TBC1D2: variants seen among roughly 807,000 people sequenced by gnomAD.
TBC1D2 encodes TBC1 domain family member 2.
A neutral mutation model predicts 91.1 loss-of-function variants in TBC1D2; 58 were observed. That is an observed-to-expected ratio of 0.64 (90% CI 0.52 to 0.79). The LOEUF is 0.79. Ranked by LOEUF, TBC1D2 falls within the 30% of genes least tolerant of loss-of-function variation. The pLI is 0.00. For synonymous variants in TBC1D2, 482 were observed against 511.5 expected (o/e 0.94, Z 0.78); for missense variants, 1,080 against 1,208.3 (o/e 0.89, Z 1.57).
intron 9 of TBC1D2, among the ~76,000 whole-genome samples, chr9:98,206,732 G>A (rs972444728): frequency 6.6e-6 from 1 of 152,188 alleles, no homozygotes; most frequent in African/African-American, 2.4e-5. Context: ...CAACGGGCAG[G>A]TTCCTCAGCC....
intron 8 of TBC1D2, among the ~76,000 whole-genome samples, 197 bp from the exon 9 acceptor site, chr9:98,209,341 TGCCTCCTAAAGACCC>T (rs996361390): frequency 5.3e-5 from 8 of 152,172 alleles, no homozygotes; most frequent in African/African-American, 1.9e-4. Flanking sequence ...ATCCCTGCTC[TGCCTCCTAAAGACCC>T]AACGAGATCC....
chr9:98,241,361 A>AC (rs1327574097), intron 3 of TBC1D2, among the ~76,000 whole-genome samples: 3 of 152,114 alleles, frequency 2.0e-5, no homozygotes, highest in African/African-American at 7.2e-5. Flanking sequence ...GAAGCTCCCT[A>AC]CCCCCTTCCC....
At chr9:98,205,312 T>A (rs1828621748) in intron 9 of TBC1D2, among the ~76,000 whole-genome samples, 1 of 152,218 alleles carries the variant, frequency 6.6e-6, no homozygotes. Flanking sequence ...TGCTAGGGCT[T>A]ACTAACTGCT....
At chr9:98,201,815 G>C in intron 10 of TBC1D2, 151 bp from the exon 11 acceptor site, 1 of 701,054 alleles carries the variant, frequency 1.4e-6, no homozygotes, top group South Asian at 2.0e-5. Context: ...CGGGGAGCCA[G>C]GGGCCAGTCT....
Position 98,199,585 on chromosome 9 carries a change from C to T in TBC1D2, c.2583G>A (p.Lys861=). ...TGTCATTGAAGGCGATGTTCATCAG[C>T]TTCCTGGGAGGAGGGCACAATCAGC... The part of the protein sequence containing the change: ...FFTKTISNSR[K]LMNIAFNDMN... The change falls in exon 13 of 13, where the codon AAG becomes AAA. Residue 861 remains lysine (K), a synonymous_variant. Transcript: ENST00000465784. 1 of 1,614,012 alleles carries T rather than the reference C, an allele frequency of 6.2e-7. No individual in the cohort carries two copies. Among genetic ancestry groups the T allele is most frequent in the Non-Finnish European group, 8.5e-7 (1 of 1,180,044 alleles).
At chr9:98,218,691 T>C (rs10985480) in intron 6 of TBC1D2, among the ~76,000 whole-genome samples, 62,754 of 152,110 alleles carry the variant, frequency 0.41, 13,308 homozygotes, top group African/African-American at 0.48. Flanking sequence ...GCTGATCTAG[T>C]GTTCTTTTTT....
rs561672146 is a variant in TBC1D2 at position 98,252,916 on chromosome 9, G to C, written c.370-990C>G. ...TCACTGGTGTGCACTATGCAGGGGG[G>C]AGTCTGTGAAAGTGACCCTCAGGCT... On this transcript the variant is annotated intron_variant, in intron 1 of 12. Coordinates refer to ENST00000465784, the MANE Select transcript of TBC1D2 (RefSeq NM_001267571.2). Among the ~76,000 whole-genome samples the C allele has an allele frequency of 3.3e-5, 5 of 152,230 alleles. No homozygotes were observed. The East Asian group carries it at 9.6e-4, about 29-fold the overall frequency.
At chr9:98,240,257 G>C (rs57133157) in intron 3 of TBC1D2, among the ~76,000 whole-genome samples, 28,731 of 151,858 alleles carry the variant, frequency 0.19, 6,276 homozygotes, top group African/African-American at 0.54. Context: ...TAGTACAGCT[G>C]AGTGACAGAA....
chr9:98,251,080 T>C (rs1249647973), intron 2 of TBC1D2, among the ~76,000 whole-genome samples: 1 of 149,292 alleles, frequency 6.7e-6, no homozygotes, highest in East Asian at 2.0e-4. Flanking sequence ...AGGTCAGGAG[T>C]TCAAGATCAG....
chr9:98,199,372 G>A lies in TBC1D2; in HGVS notation c.*9C>T, dbSNP rs1167356494. 1 of 1,612,408 alleles carries A rather than the reference G, an allele frequency of 6.2e-7. No homozygotes were observed. Among genetic ancestry groups the A allele is most frequent in the East Asian group, 2.2e-5 (1 of 44,878 alleles). On this transcript the variant is annotated 3_prime_UTR_variant, in exon 13 of 13. Coordinates refer to ENST00000465784, the MANE Select transcript of TBC1D2 (RefSeq NM_001267571.2). The stretch of plus-strand genomic sequence containing the variant: ...GTGAGGAAGGCTGTGGGGAGGGGAG[G>A]TGGCCAAGTCAGGCTTCCCCCTCCA...
intron 4 of TBC1D2, among the ~76,000 whole-genome samples, chr9:98,232,334 C>CTGTTTTTTTTTT (rs1564251650): frequency 1.6e-5 from 1 of 62,918 alleles, no homozygotes; most frequent in African/African-American, 1.3e-4. Flanking sequence ...TCTTCTTTCT[C>CTGTTTTTTTTTT]TTTTTCTGTT....
intron 1 of TBC1D2, 101 bp downstream of exon 1, chr9:98,255,072 C>T: frequency 6.7e-7 from 1 of 1,489,460 alleles, no homozygotes. Flanking sequence ...GTCACCGACA[C>T]TCCAAATTTA....
rs145143626 is a variant in TBC1D2 at position 98,229,071 on chromosome 9, G to A, written c.859C>T (p.Gln287Ter). 2 of 1,614,204 alleles carry A rather than the reference G, an allele frequency of 1.2e-6. No homozygotes were observed. Among genetic ancestry groups the A allele is most frequent in the South Asian group, 1.1e-5 (1 of 91,090 alleles). The change falls in exon 5 of 13, where the codon CAG (glutamine) becomes TAG (stop). Residue 287 changes from glutamine to a stop codon, truncating the protein, a stop_gained. Coordinates refer to ENST00000465784, the MANE Select transcript of TBC1D2 (RefSeq NM_001267571.2). LOFTEE classifies it high-confidence loss of function. ...TISFAQKAKR[Q>*]NNTFPFFSEG... ...GAAAAGAATGGGAAGGTGTTGTTCT[G>A]GCGCTTGGCTTTCTGAGCGAAACTG...
chr9:98,205,025 G>A (rs1371869210), intron 9 of TBC1D2, among the ~76,000 whole-genome samples: 1 of 152,216 alleles, frequency 6.6e-6, no homozygotes, highest in Non-Finnish European at 1.5e-5. Context: ...CCAGGTAGCT[G>A]CTTCCTACTG....
chr9:98,247,483 C>A (rs1829789151), intron 2 of TBC1D2, among the ~76,000 whole-genome samples: 1 of 151,972 alleles, frequency 6.6e-6, no homozygotes, highest in Admixed American at 6.6e-5. Flanking sequence ...AATCCCAGCA[C>A]TTTGGGAGGC....
chr9:98,223,272 G>A (rs1004728058), intron 5 of TBC1D2, among the ~76,000 whole-genome samples: 5 of 152,200 alleles, frequency 3.3e-5, no homozygotes, highest in African/African-American at 1.2e-4. Flanking sequence ...GGGAGATGAG[G>A]GTGGGGATGG....
chr9:98,208,679 C>CGA lies in TBC1D2; in HGVS notation c.2138_2139insTC (p.Gln713HisfsTer4), dbSNP rs1255529906. On this transcript the variant is annotated frameshift_variant, in exon 9 of 13. Transcript: ENST00000465784. LOFTEE classifies it high-confidence loss of function. ...CTTTGGTGGCTTACCTGTTCAGGCC[C>CGA]TGGCAGTAGCCGATGGTGGGGTTCT... 5.2e-6 allele frequency: 8 copies of CGA among 1,529,462 alleles called. No individual in the cohort carries two copies. The highest frequency in any genetic ancestry group is 7.0e-6 in the Non-Finnish European group (8 of 1,136,430). 94.7% of individuals were successfully genotyped at this position (1,529,462 alleles called of 1,614,324 possible).
At chr9:98,238,455 C>A (rs1829561633) in intron 3 of TBC1D2, among the ~76,000 whole-genome samples, 1 of 136,928 alleles carries the variant, frequency 7.3e-6, no homozygotes, top group African/African-American at 3.6e-5. Context: ...TGCAACCTTG[C>A]TGAACTAATT....
chr9:98,199,554 G>C lies in TBC1D2; in HGVS notation c.2614C>G (p.Pro872Ala). The change falls in exon 13 of 13, where the codon CCC becomes GCC. Residue 872 changes from proline to alanine, a missense_variant. Transcript: ENST00000465784. Reference sequence around the variant, plus strand: ...TGCCGCAGCTGTTTCATGCGGAAGGGGTTCATGTCATTGAAGGCGATGTTC... The same window carrying C: ...TGCCGCAGCTGTTTCATGCGGAAGGCGTTCATGTCATTGAAGGCGATGTTC... ...LMNIAFNDMNPFRMKQLRQLR... is the reference protein window; with the variant it reads ...LMNIAFNDMNAFRMKQLRQLR... The C allele has an allele frequency of 1.2e-6, 2 of 1,614,102 alleles. No individual in the cohort carries two copies. The highest frequency in any genetic ancestry group is 1.7e-6 in the Non-Finnish European group (2 of 1,180,050).
Sources: gnomAD v4.1 joint callset for allele counts (sites outside exome capture counted in the v4.1 genomes callset) on GRCh38, gnomAD v4.1.1 for gene constraint, MANE v1.5 for transcripts, NCBI Gene and HGNC (gene_info 2026-07-23, HGNC 2026-07-21) for gene names.